INTS8: variants seen among roughly 807,000 people sequenced by gnomAD.
The protein encoded by INTS8 is protein kaonashi-1.
Under a neutral mutation model 138.9 loss-of-function variants are expected in INTS8, and 47 were observed. The observed-to-expected ratio is 0.34, with a 90% CI of 0.27 to 0.43. INTS8 has a LOEUF of 0.43. INTS8 is among the 20% of genes least tolerant of loss of function. The probability of loss-of-function intolerance (pLI) is 1.00; values close to 1 mark genes in which losing one functional copy is unlikely to be tolerated. For missense variants in INTS8, 996 were observed against 1,173.0 expected, an observed-to-expected ratio of 0.85 and a Z score of 2.20; for synonymous variants, 392 against 400.9, an observed-to-expected ratio of 0.98 and a Z score of 0.27.
chr8:94,840,618 C>T (rs1332740777), intron 8 of INTS8, among the ~76,000 whole-genome samples: 1 of 141,712 alleles, frequency 7.1e-6, no homozygotes, highest in Admixed American at 7.3e-5. Context: ...AGTGCAGTGG[C>T]ACGATCTTGG....
At chr8:94,855,122 A>G (rs1396893911) in intron 14 of INTS8, among the ~76,000 whole-genome samples, 4 of 152,160 alleles carry the variant, frequency 2.6e-5, no homozygotes, top group Non-Finnish European at 5.9e-5. Context: ...GGGGCCCAAC[A>G]TCTTTTTAAA....
chr8:94,834,005 C>G (rs1814824288), intron 6 of INTS8, among the ~76,000 whole-genome samples: 1 of 152,182 alleles, frequency 6.6e-6, no homozygotes, highest in Non-Finnish European at 1.5e-5. Flanking sequence ...CTCCCGACTT[C>G]CAGTGATCTG....
chr8:94,876,542 A>T, intron 26 of INTS8, 53 bp downstream of exon 26: 1 of 1,157,678 alleles, frequency 8.6e-7, no homozygotes, highest in East Asian at 2.4e-5. Context: ...ATATTAAACA[A>T]TTGTTAAGAT....
intron 16 of INTS8, among the ~76,000 whole-genome samples, chr8:94,861,287 A>T (rs1815967630): frequency 1.5e-4 from 2 of 13,384 alleles, no homozygotes; most frequent in Non-Finnish European, 2.5e-4. Context: ...TTTGAGACGG[A>T]GTCTCGCTCT....
In INTS8 at chr8:94,873,412, C is replaced by T; in HGVS notation, c.2572C>T (p.Gln858Ter). 1 of 1,613,930 alleles carries T rather than the reference C, an allele frequency of 6.2e-7. No homozygotes were observed. Among genetic ancestry groups the T allele is most frequent in the Non-Finnish European group, 8.5e-7 (1 of 1,179,800 alleles). Residue 858 changes from glutamine (Q) to a stop codon, truncating the protein, a stop_gained, in exon 22 of 27, where the codon CAG becomes TAG. Coordinates refer to ENST00000523731, the MANE Select transcript of INTS8 (RefSeq NM_017864.4). LOFTEE classifies it high-confidence loss of function. ...TTCAGCAGCTCTTCACTATTACCTC[C>T]AGGCAGGAGCTGTGTGTTCTGACTT... ...QYSAALHYYL[Q>*]AGAVCSDFFN... is the part of the protein sequence containing the mutation.
Position 94,823,358 on chromosome 8 carries a change from C to T in INTS8, c.-74C>T. 4 of 1,504,860 alleles carry T rather than the reference C, an allele frequency of 2.7e-6. No individual in the cohort carries two copies. The highest frequency in any genetic ancestry group is 3.5e-6 in the Non-Finnish European group (4 of 1,130,516). The allele number at this position is 1,504,860 out of a possible 1,614,324, so 93.2% of individuals were successfully genotyped here. A position where few individuals can be genotyped will look rare whatever the true frequency, so the allele number is the denominator to read the frequency against. Reference sequence around the variant, plus strand: ...CTCTCCCACCGGGTTCCGCATACCCCAGGCACCGGCCCGCATCCAAGTGTC... The same window carrying T: ...CTCTCCCACCGGGTTCCGCATACCCTAGGCACCGGCCCGCATCCAAGTGTC... On this transcript the variant is annotated 5_prime_UTR_variant, in exon 1 of 27. Transcript: ENST00000523731.
intron 14 of INTS8, among the ~76,000 whole-genome samples, chr8:94,854,537 A>G (rs927425659): frequency 1.3e-5 from 2 of 152,200 alleles, no homozygotes; most frequent in African/African-American, 4.8e-5. Flanking sequence ...TTTGTAGTGT[A>G]TTTTACATGA....
intron 6 of INTS8, among the ~76,000 whole-genome samples, chr8:94,833,304 T>C (rs1460579327): frequency 6.6e-6 from 1 of 152,072 alleles, no homozygotes; most frequent in Non-Finnish European, 1.5e-5. Context: ...ATTCAAGGCC[T>C]GATGAGCTGG....
chr8:94,872,664 C>T (rs186805163), intron 21 of INTS8, among the ~76,000 whole-genome samples: 89 of 152,318 alleles, frequency 5.8e-4, no homozygotes, highest in African/African-American at 2.1e-3. Context: ...TCCTAACTCT[C>T]CCCATTACTC....
At chr8:94,849,568 T>TA (rs763663590) in intron 11 of INTS8, 36 bp downstream of exon 11, 3 of 1,250,940 alleles carry the variant, frequency 2.4e-6, no homozygotes, top group East Asian at 4.7e-5. Context: ...TTTTTTTTTT[T>TA]AACTTTGAAC....
intron 13 of INTS8, 34 bp downstream of exon 13, chr8:94,851,720 G>A (rs765403705): frequency 4.6e-6 from 7 of 1,533,472 alleles, no homozygotes; most frequent in Middle Eastern, 1.7e-4. Context: ...TAAGAAAATT[G>A]CCCTTGTTTT....
intron 20 of INTS8, among the ~76,000 whole-genome samples, chr8:94,868,326 T>C (rs1186902203): frequency 6.6e-6 from 1 of 152,190 alleles, no homozygotes; most frequent in Non-Finnish European, 1.5e-5. Context: ...CCTTATGTTA[T>C]TACTCTTAGT....
rs771948209 is a variant in INTS8 at position 94,851,543 on chromosome 8, C to G, written c.1508-10C>G. On this transcript the variant is annotated splice_polypyrimidine_tract_variant and intron_variant, in intron 12 of 26. Coordinates refer to ENST00000523731, the MANE Select transcript of INTS8 (RefSeq NM_017864.4). Reference sequence around the variant, plus strand: ...TGAATTAAATCATTGAAATATAAATCTTTTTTTAGCTTCAGCAAGTGTCAA... The same window carrying G: ...TGAATTAAATCATTGAAATATAAATGTTTTTTTAGCTTCAGCAAGTGTCAA... 6.5e-7 allele frequency: 1 copy of G among 1,538,012 alleles called. No individual in the cohort carries two copies. The highest frequency in any genetic ancestry group is 2.2e-5 in the Admixed American group (1 of 45,092).
chr8:94,833,263 T>A (rs1324249781), intron 6 of INTS8, among the ~76,000 whole-genome samples: 1 of 152,138 alleles, frequency 6.6e-6, no homozygotes, highest in Non-Finnish European at 1.5e-5. Context: ...GTTTTCAGAT[T>A]AGCTGTTTCC....
rs754903556 is a variant in INTS8, at chr8:94,838,455, C to T, written c.862-8C>T. ...AATGGATAATGGTGTATACCTCTTA[C>T]TTTACAGATAGGTTCATTATCTCTT... On this transcript the variant is annotated splice_region_variant and splice_polypyrimidine_tract_variant and intron_variant, in intron 7 of 26. Coordinates refer to ENST00000523731, the MANE Select transcript of INTS8 (RefSeq NM_017864.4). 6 of 1,605,932 alleles carry T rather than the reference C, an allele frequency of 3.7e-6. No homozygotes were observed. Among genetic ancestry groups the T allele is most frequent in the Non-Finnish European group, 5.1e-6 (6 of 1,173,120 alleles).
intron 10 of INTS8, 52 bp downstream of exon 10, chr8:94,842,540 C>T: frequency 7.0e-7 from 1 of 1,429,600 alleles, no homozygotes; most frequent in Non-Finnish European, 9.5e-7. Flanking sequence ...TTTAAGCTTA[C>T]CAGTGACCTC....
chr8:94,835,552 C>T (rs567184679), intron 6 of INTS8, among the ~76,000 whole-genome samples: 90 of 152,112 alleles, frequency 5.9e-4, no homozygotes, highest in African/African-American at 2.0e-3. Flanking sequence ...TTTCCCTCTC[C>T]TGTGTTAGAA....
intron 15 of INTS8, among the ~76,000 whole-genome samples, chr8:94,859,205 TG>T (rs1017011386): frequency 6.6e-6 from 1 of 151,776 alleles, no homozygotes; most frequent in African/African-American, 2.4e-5. Context: ...CGCTTGAGCC[TG>T]GGAGCTCAAG....
intron 5 of INTS8, among the ~76,000 whole-genome samples, chr8:94,830,032 A>T (rs1257098954): frequency 1.3e-5 from 2 of 152,084 alleles, no homozygotes; most frequent in Non-Finnish European, 2.9e-5. Context: ...AATAGCTGGG[A>T]TTACAGGCAC....
Sources: gnomAD v4.1 joint callset for allele counts (sites outside exome capture counted in the v4.1 genomes callset) on GRCh38, gnomAD v4.1.1 for gene constraint, MANE v1.5 for transcripts, NCBI Gene and HGNC (gene_info 2026-07-23, HGNC 2026-07-21) for gene names.